DYNC2H1: variants seen among roughly 807,000 people sequenced by gnomAD.
The protein encoded by DYNC2H1 is cytoplasmic dynein 2 heavy chain 1.
DYNC2H1 carries 410 observed loss-of-function variants against 570.0 expected under a neutral mutation model. That is an observed-to-expected ratio of 0.72 (90% CI 0.66 to 0.78). DYNC2H1 has a LOEUF of 0.78. Among genes scored for constraint, DYNC2H1 ranks in the 30% least tolerant of loss-of-function variants. DYNC2H1 has a pLI of 0.00. For missense variants in DYNC2H1, 4,865 were observed against 5,046.4 expected (o/e 0.96, Z 1.09); for synonymous variants, 1,688 against 1,677.6 (o/e 1.01, Z -0.15).
intron 87 of DYNC2H1, 34 bp downstream of exon 87, chr11:103,456,390 C>G (rs745766698): frequency 6.6e-7 from 1 of 1,519,324 alleles, no homozygotes; most frequent in Admixed American, 1.9e-5. Flanking sequence ...GGAATCTCAG[C>G]CTTATCACCA....
intron 6 of DYNC2H1, among the ~76,000 whole-genome samples, chr11:103,118,635 T>G (rs1296150037): frequency 1.3e-5 from 2 of 152,316 alleles, no homozygotes; most frequent in East Asian, 3.9e-4. Flanking sequence ...AATATCATTT[T>G]ATGTCTAGCC....
chr11:103,234,007 T>C, intron 60 of DYNC2H1, 27 bp from the exon 61 acceptor site: 1 of 1,540,614 alleles, frequency 6.5e-7, no homozygotes, highest in Non-Finnish European at 8.8e-7. Flanking sequence ...CCTTTTTGCT[T>C]TTAATTAAAT....
At chr11:103,450,970 C>A (rs1442981324) in intron 85 of DYNC2H1, among the ~76,000 whole-genome samples, 2 of 152,138 alleles carry the variant, frequency 1.3e-5, no homozygotes, top group African/African-American at 4.8e-5. Context: ...TACGTTAGGT[C>A]CTAAACAGTT....
At chr11:103,267,604 C>G (rs1341912841) in intron 70 of DYNC2H1, among the ~76,000 whole-genome samples, 1 of 151,764 alleles carries the variant, frequency 6.6e-6, no homozygotes, top group East Asian at 1.9e-4. Flanking sequence ...AATGTATTAT[C>G]TCATGCAATA....
rs529904190 is a variant in DYNC2H1 at position 103,322,414 on chromosome 11, C to A, written c.11934+1177C>A. Among the ~76,000 whole-genome samples, 19 of 152,216 alleles carry A rather than the reference C, an allele frequency of 1.2e-4. No individual in the cohort carries two copies. In the South Asian group the frequency reaches 3.9e-3, roughly 32 times the overall value. ...ATAGACCACATGAGTGTAGCCAGTT[C>A]TGGGGTCAAGAAACAGAGTATTATT... On this transcript the variant is annotated intron_variant, in intron 81 of 88. Coordinates refer to ENST00000375735, the MANE Select transcript of DYNC2H1 (RefSeq NM_001377.3).
intron 47 of DYNC2H1, among the ~76,000 whole-genome samples, chr11:103,197,044 A>T (rs1409377333): frequency 3.9e-5 from 6 of 152,026 alleles, no homozygotes; most frequent in Non-Finnish European, 4.4e-5. Flanking sequence ...TGATGAATAG[A>T]CTTTCCTTGT....
chr11:103,270,270 A>G (rs149301234), intron 70 of DYNC2H1, among the ~76,000 whole-genome samples: 1,936 of 151,898 alleles, frequency 0.013, 20 homozygotes, highest in Middle Eastern at 0.021. Flanking sequence ...TGCAGTAGTC[A>G]TCTCTTATCT....
At chr11:103,223,544 C>T (rs1051279541) in intron 59 of DYNC2H1, among the ~76,000 whole-genome samples, 2 of 143,270 alleles carry the variant, frequency 1.4e-5, no homozygotes, top group East Asian at 2.1e-4. Context: ...TGTGCCACCA[C>T]GCCCGGTTAA....
In DYNC2H1 at chr11:103,285,399, G is replaced by A. The variant is rs536899106; in HGVS notation, c.10891-856G>A. ...ACCAACAGATAACAAGGGTGGGAGAGGAGGAATTTTTCTTTTTTTCTTTTC... is the reference window on the plus strand; with the variant it reads ...ACCAACAGATAACAAGGGTGGGAGAAGAGGAATTTTTCTTTTTTTCTTTTC... On this transcript the variant is annotated intron_variant, in intron 73 of 88. Coordinates refer to ENST00000375735, the MANE Select transcript of DYNC2H1 (RefSeq NM_001377.3). Among the ~76,000 whole-genome samples the A allele has an allele frequency of 1.1e-3, 162 of 148,424 alleles. 1 individual carries two copies. Among genetic ancestry groups the A allele is most frequent in the African/African-American group, 3.9e-3 (159 of 40,508 alleles).
intron 21 of DYNC2H1, among the ~76,000 whole-genome samples, chr11:103,153,102 T>C (rs1860644117): frequency 6.6e-6 from 1 of 152,240 alleles, no homozygotes; most frequent in Non-Finnish European, 1.5e-5. Flanking sequence ...CTTGTTATTA[T>C]AAATTTATGG....
At chr11:103,420,715 C>G (rs1157524208) in intron 84 of DYNC2H1, among the ~76,000 whole-genome samples, 1 of 152,134 alleles carries the variant, frequency 6.6e-6, no homozygotes, top group Non-Finnish European at 1.5e-5. Flanking sequence ...CTTACAAAAG[C>G]TCCTGCAGGA....
intron 9 of DYNC2H1, 88 bp from the exon 10 acceptor site, chr11:103,121,284 G>A: frequency 7.1e-7 from 1 of 1,403,506 alleles, no homozygotes; most frequent in South Asian, 1.5e-5. Context: ...TCTTTCTACA[G>A]CATCTGACAT....
chr11:103,303,399 T>A, intron 76 of DYNC2H1, 146 bp downstream of exon 76: 1 of 816,170 alleles, frequency 1.2e-6, no homozygotes, highest in Non-Finnish European at 1.7e-6. Flanking sequence ...ACTGTGGATA[T>A]GTTATTTTCC....
At chr11:103,286,921 C>A (rs1866373330) in intron 74 of DYNC2H1, among the ~76,000 whole-genome samples, 1 of 152,206 alleles carries the variant, frequency 6.6e-6, no homozygotes, top group African/African-American at 2.4e-5. Context: ...ACAGTGAATT[C>A]TATTTCCCCA....
Position 103,304,674 on chromosome 11 carries a change from T to A in DYNC2H1, c.11336T>A (p.Leu3779Ter). 1 of 1,613,376 alleles carries A rather than the reference T, an allele frequency of 6.2e-7. No individual in the cohort carries two copies. The highest frequency in any genetic ancestry group is 8.5e-7 in the Non-Finnish European group (1 of 1,179,508). The change falls in exon 77 of 89, where the codon TTG becomes TAG. Residue 3779 changes from leucine (L) to a stop codon, truncating the protein, a stop_gained. Coordinates refer to ENST00000375735, the MANE Select transcript of DYNC2H1 (RefSeq NM_001377.3). LOFTEE classifies it high-confidence loss of function. ...ECARNGDWLC[L>*]KNLHLVVSWL... ...GCCCGCAATGGAGACTGGCTCTGTTTGAAGAACTTACATCTTGTGGTATCT... is the reference window on the plus strand; with the variant it reads ...GCCCGCAATGGAGACTGGCTCTGTTAGAAGAACTTACATCTTGTGGTATCT...
Position 103,158,779 on chromosome 11 carries a change from A to G in DYNC2H1, c.4230A>G (p.Arg1410=). 6.7e-7 allele frequency: 1 copy of G among 1,487,030 alleles called. No homozygotes were observed. Among genetic ancestry groups the G allele is most frequent in the Non-Finnish European group, 9.0e-7 (1 of 1,105,960 alleles). The allele number at this position is 1,487,030 out of a possible 1,614,324, so 92.1% of individuals were successfully genotyped here. The part of the protein sequence containing the change: ...SLLTILDQLQ[R]CQKSLNEFLE... ...TAACAATACTTGATCAGCTTCAAAG[A>G]TGTCAGAAATCATTAAATGAATTTT... Residue 1410 remains arginine, a synonymous_variant, in exon 27 of 89, where the codon AGA becomes AGG. Transcript: ENST00000375735.
chr11:103,304,718 A>G lies in DYNC2H1; in HGVS notation c.11380A>G (p.Lys3794Glu). 1.2e-6 allele frequency: 2 copies of G among 1,610,734 alleles called. No individual in the cohort carries two copies. Among genetic ancestry groups the G allele is most frequent in the Non-Finnish European group, 1.7e-6 (2 of 1,178,596 alleles). ...LVVSWLPVLE[K>E]ELNTLQPKDT... ...GGTATCTTGGCTGCCAGTTCTGGAAAAGGTAGATTCAGATAAATGTACAAA... is the reference window on the plus strand; with the variant it reads ...GGTATCTTGGCTGCCAGTTCTGGAAGAGGTAGATTCAGATAAATGTACAAA... The change falls in exon 77 of 89, where the codon AAG becomes GAG. Residue 3794 changes from lysine to glutamate, a missense_variant and splice_region_variant. Physicochemically the swap from Lys to Glu is moderately conservative, Grantham distance 56. Transcript: ENST00000375735.
rs944497193 is a variant in DYNC2H1, at chr11:103,446,268, T to C, written c.12457-8918T>C. Among the ~76,000 whole-genome samples, 30 of 152,194 alleles carry C rather than the reference T, an allele frequency of 2.0e-4. No individual in the cohort carries two copies. Among genetic ancestry groups the C allele is most frequent in the Non-Finnish European group, 2.6e-4 (18 of 68,030 alleles). On this transcript the variant is annotated intron_variant, in intron 85 of 88. Transcript: ENST00000375735. This position sits in a 1 kb window ranked among gnomAD's most constrained non-coding sequence, Gnocchi z 4.5. ...ATAGGAATGGCCAAGTATCTGGCAC[T>C]GGTGCACTTCAATATTGAGATGTTT...
intron 83 of DYNC2H1, among the ~76,000 whole-genome samples, chr11:103,397,770 C>T (rs765142593): frequency 6.6e-6 from 1 of 152,140 alleles, no homozygotes; most frequent in Non-Finnish European, 1.5e-5. Context: ...TGATGGGTGC[C>T]TGTATTCCTA....
Sources: allele counts gnomAD v4.1 joint callset (sites outside exome capture counted in the v4.1 genomes callset), GRCh38; gene constraint gnomAD v4.1.1; non-coding constraint Gnocchi (gnomAD v3.1); transcripts MANE v1.5; gene names NCBI Gene and HGNC (gene_info 2026-07-23, HGNC 2026-07-21).